The following CNTN5 variants were observed in gnomAD, a reference collection of about 807,000 sequenced individuals.
The protein encoded by CNTN5 is contactin-5.
A neutral mutation model predicts 129.1 loss-of-function variants in CNTN5; 77 were observed. The ratio of observed to expected loss-of-function variants is 0.60; its 90% CI spans 0.50 to 0.72. CNTN5 has a LOEUF of 0.72. Among genes scored for constraint, CNTN5 ranks in the 30% least tolerant of loss-of-function variants. CNTN5 has a pLI of 0.00. For synonymous variants in CNTN5, 509 were observed against 465.6 expected (o/e 1.09, Z -1.20); for missense variants, 1,478 against 1,328.8 (o/e 1.11, Z -1.75).
In CNTN5 at chr11:100,119,808, G is replaced by A. The variant is rs147039539; in HGVS notation, c.1580+45514G>A. Reference sequence around the variant, plus strand: ...GTCAGGCTAGATGATATCACTCCTCGCCCTTAATGTGTTTATACCTAAAAA... The same window carrying A: ...GTCAGGCTAGATGATATCACTCCTCACCCTTAATGTGTTTATACCTAAAAA... On this transcript the variant is annotated intron_variant, in intron 13 of 24. Transcript: ENST00000524871. 4.3e-4 allele frequency among the ~76,000 whole-genome samples: 66 copies of A among 151,842 alleles called. 2 individuals are homozygous for A. The East Asian group carries it at 7.2e-3, about 17-fold the overall frequency.
At chr11:99,363,175 C>T (rs765283182) in intron 2 of CNTN5, among the ~76,000 whole-genome samples, 4 of 152,060 alleles carry the variant, frequency 2.6e-5, no homozygotes, top group Non-Finnish European at 4.4e-5. Flanking sequence ...TTACTTATGT[C>T]ACCTTTAATT....
chr11:99,766,688 T>G lies in CNTN5; in HGVS notation c.56-52856T>G, dbSNP rs537529969. On this transcript the variant is annotated intron_variant, in intron 3 of 24. Transcript: ENST00000524871. ...GCTGTTAACTTATTTTTTCATCATT[T>G]CCCTGTCAAATTTATCTGTGGAACT... Among the ~76,000 whole-genome samples the G allele has an allele frequency of 2.0e-5, 3 of 152,202 alleles. No homozygotes were observed. The South Asian group carries it at 6.2e-4, about 32-fold the overall frequency.
chr11:99,119,655 T>C (rs1053905321), intron 1 of CNTN5, among the ~76,000 whole-genome samples: 1 of 152,174 alleles, frequency 6.6e-6, no homozygotes, highest in Non-Finnish European at 1.5e-5. Flanking sequence ...ATAAACGCAG[T>C]TATGGGATTG....
chr11:99,055,458 T>A (rs187001543), intron 1 of CNTN5, among the ~76,000 whole-genome samples: 2 of 152,106 alleles, frequency 1.3e-5, no homozygotes, highest in Admixed American at 1.3e-4. Flanking sequence ...CTAGAATTTT[T>A]TTACACTATG....
chr11:99,138,077 T>C (rs1859324329), intron 1 of CNTN5, among the ~76,000 whole-genome samples: 1 of 152,214 alleles, frequency 6.6e-6, no homozygotes, highest in African/African-American at 2.4e-5. Flanking sequence ...TTTTGAAATA[T>C]AATTTATTTA....
At chr11:99,590,970 T>C (rs1187120573) in intron 3 of CNTN5, among the ~76,000 whole-genome samples, 1 of 152,212 alleles carries the variant, frequency 6.6e-6, no homozygotes, top group East Asian at 1.9e-4. Context: ...AATATAACTA[T>C]ACATGCAAAT....
chr11:100,254,797 C>G (rs530924746), intron 16 of CNTN5, among the ~76,000 whole-genome samples: 16 of 152,152 alleles, frequency 1.1e-4, no homozygotes, highest in Admixed American at 5.2e-4. Context: ...ACATAAAGAC[C>G]AACTCAGAAA....
At chr11:99,256,589 A>G (rs1254004125) in intron 1 of CNTN5, among the ~76,000 whole-genome samples, 3 of 152,084 alleles carry the variant, frequency 2.0e-5, no homozygotes, top group South Asian at 2.1e-4. Context: ...AAATACTATA[A>G]ATATATAGAT....
At chr11:100,032,122 C>G (rs943331006) in intron 9 of CNTN5, among the ~76,000 whole-genome samples, 1 of 152,086 alleles carries the variant, frequency 6.6e-6, no homozygotes, top group African/African-American at 2.4e-5. Flanking sequence ...TTTCAGGAAC[C>G]CAGGGGCTGC....
intron 3 of CNTN5, among the ~76,000 whole-genome samples, chr11:99,788,179 G>A (rs561959760): frequency 5.3e-5 from 8 of 151,792 alleles, no homozygotes; most frequent in East Asian, 1.9e-4. Flanking sequence ...ACGATTTTCC[G>A]TGATGTTACC....
chr11:100,264,175 A>C (rs1950256038), intron 17 of CNTN5, among the ~76,000 whole-genome samples: 2 of 152,012 alleles, frequency 1.3e-5, no homozygotes, highest in Non-Finnish European at 2.9e-5. Context: ...CCCTACTGTA[A>C]AGTTGCATCT....
At chr11:99,428,702 A>T (rs1271990370) in intron 2 of CNTN5, among the ~76,000 whole-genome samples, 1 of 151,952 alleles carries the variant, frequency 6.6e-6, no homozygotes, top group African/African-American at 2.4e-5. Context: ...GTTTATGTAT[A>T]AGCATTTATT....
chr11:99,467,007 A>C (rs1435196532), intron 2 of CNTN5, among the ~76,000 whole-genome samples: 2 of 152,166 alleles, frequency 1.3e-5, no homozygotes, highest in Non-Finnish European at 2.9e-5. Flanking sequence ...GCATAGTGTT[A>C]TCTCTGCCAC....
chr11:99,735,537 G>A (rs1307916145), intron 3 of CNTN5, among the ~76,000 whole-genome samples: 2 of 151,620 alleles, frequency 1.3e-5, no homozygotes, highest in African/African-American at 4.9e-5. Flanking sequence ...AAAATTGTTT[G>A]ATACCTACTA....
intron 1 of CNTN5, among the ~76,000 whole-genome samples, chr11:99,091,289 T>A (rs1482168979): frequency 1.3e-5 from 2 of 152,156 alleles, no homozygotes; most frequent in Non-Finnish European, 2.9e-5. Flanking sequence ...CTGGAACAAC[T>A]GCACACCTTG....
At chr11:100,031,049 A>T (rs1565805102) in intron 9 of CNTN5, among the ~76,000 whole-genome samples, 1 of 152,200 alleles carries the variant, frequency 6.6e-6, no homozygotes, top group South Asian at 2.1e-4. Flanking sequence ...TCCACTGCAC[A>T]GTCTATAGGT....
chr11:99,371,249 A>AT (rs780797113), intron 2 of CNTN5, among the ~76,000 whole-genome samples: 1 of 152,124 alleles, frequency 6.6e-6, no homozygotes, highest in African/African-American at 2.4e-5. Context: ...AATTATATCC[A>AT]TTTTTAATGT....
At chr11:99,840,360 A>G (rs571487434) in intron 4 of CNTN5, among the ~76,000 whole-genome samples, 9 of 152,302 alleles carry the variant, frequency 5.9e-5, no homozygotes, top group South Asian at 2.1e-4. Flanking sequence ...GGGAAGATAC[A>G]TAAGTATCTA....
At chr11:99,176,881 AT>A (rs779359667) in intron 1 of CNTN5, among the ~76,000 whole-genome samples, 2 of 151,626 alleles carry the variant, frequency 1.3e-5, no homozygotes, top group Admixed American at 6.6e-5. Context: ...AGTGACTTCC[AT>A]TTTTTTTCAG....
Sources: gnomAD v4.1 joint callset for allele counts (sites outside exome capture counted in the v4.1 genomes callset) on GRCh38, gnomAD v4.1.1 for gene constraint, MANE v1.5 for transcripts, NCBI Gene and HGNC (gene_info 2026-07-23, HGNC 2026-07-21) for gene names.